Variants in CNBD1 observed in about 807,000 individuals in gnomAD.
The protein encoded by CNBD1 is cyclic nucleotide binding domain containing 1, also known as cyclic nucleotide-binding domain-containing protein 1.
CNBD1 carries 71 observed loss-of-function variants against 54.4 expected under a neutral mutation model. The observed-to-expected ratio is 1.30, with a 90% CI of 1.08 to 1.59. The LOEUF (loss-of-function observed/expected upper bound fraction) is 1.59. CNBD1 is among the 40% of genes most tolerant of loss of function. The pLI is 0.00. For missense variants in CNBD1, 659 were observed against 518.0 expected, an observed-to-expected ratio of 1.27 and a Z score of -2.64; for synonymous variants, 182 against 170.7, an observed-to-expected ratio of 1.07 and a Z score of -0.51.
intron 4 of CNBD1, among the ~76,000 whole-genome samples, chr8:86,993,668 A>C (rs1185876820): frequency 6.6e-6 from 1 of 152,006 alleles, no homozygotes; most frequent in East Asian, 1.9e-4. Flanking sequence ...TCTGTATGGG[A>C]TCTTTATTTG....
intron 4 of CNBD1, among the ~76,000 whole-genome samples, chr8:87,146,870 C>T (rs1254298537): frequency 1.3e-5 from 2 of 151,996 alleles, no homozygotes; most frequent in Admixed American, 1.3e-4. Context: ...ATTTTTTAAC[C>T]AAGGTATGTG....
At chr8:87,110,388 AC>A (rs1200010874) in intron 4 of CNBD1, among the ~76,000 whole-genome samples, 1 of 152,002 alleles carries the variant, frequency 6.6e-6, no homozygotes, top group Non-Finnish European at 1.5e-5. Flanking sequence ...CTTGCTCTGG[AC>A]CCCACCCAAA....
intron 4 of CNBD1, among the ~76,000 whole-genome samples, chr8:87,201,728 A>G (rs781299503): frequency 8.5e-5 from 13 of 152,204 alleles, no homozygotes; most frequent in Non-Finnish European, 1.5e-5. Flanking sequence ...AAATGAAAAG[A>G]TATGTTCAGA....
At chr8:87,369,860 T>A (rs1052771288) in intron 10 of CNBD1, among the ~76,000 whole-genome samples, 2 of 151,898 alleles carry the variant, frequency 1.3e-5, no homozygotes, top group African/African-American at 2.4e-5. Flanking sequence ...ATATCTCCTA[T>A]ATGCTATCCC....
chr8:87,299,185 T>C (rs899683704), intron 8 of CNBD1, among the ~76,000 whole-genome samples: 1 of 152,186 alleles, frequency 6.6e-6, no homozygotes, highest in African/African-American at 2.4e-5. Flanking sequence ...TATTCATTTG[T>C]AAACTCAAGC....
At chr8:86,869,849 T>C (rs1586099990) in intron 1 of CNBD1, among the ~76,000 whole-genome samples, 1 of 152,298 alleles carries the variant, frequency 6.6e-6, no homozygotes, top group Admixed American at 6.5e-5. Flanking sequence ...AAAATTCTTA[T>C]TTTAAAAAAT....
chr8:87,385,039 C>T (rs962248413), downstream of CNBD1, among the ~76,000 whole-genome samples: 3 of 152,080 alleles, frequency 2.0e-5, no homozygotes, highest in Non-Finnish European at 4.4e-5. Context: ...TTCAAATAAT[C>T]ACTTGGGTTC....
chr8:87,130,660 C>T (rs980738059), intron 4 of CNBD1, among the ~76,000 whole-genome samples: 2 of 151,714 alleles, frequency 1.3e-5, no homozygotes, highest in African/African-American at 4.8e-5. Context: ...CACCTGTTTC[C>T]CAGCTACTCG....
At chr8:86,971,033 T>G (rs1808208522) in intron 4 of CNBD1, among the ~76,000 whole-genome samples, 1 of 152,220 alleles carries the variant, frequency 6.6e-6, no homozygotes, top group Non-Finnish European at 1.5e-5. Context: ...CAATTATAAT[T>G]ATTAATTTGT....
intron 9 of CNBD1, among the ~76,000 whole-genome samples, chr8:87,352,082 C>T (rs1810309417): frequency 6.6e-6 from 1 of 152,140 alleles, no homozygotes; most frequent in Non-Finnish European, 1.5e-5. Context: ...CCAGGTACTA[C>T]TACAAACATA....
chr8:87,103,575 T>A (rs570130185), intron 4 of CNBD1, among the ~76,000 whole-genome samples: 1 of 152,284 alleles, frequency 6.6e-6, no homozygotes, highest in Admixed American at 6.5e-5. Context: ...CTTCTTCACA[T>A]GGCAGCAGCA....
chr8:86,922,671 TATG>T (rs1809293611), intron 3 of CNBD1, among the ~76,000 whole-genome samples: 1 of 152,116 alleles, frequency 6.6e-6, no homozygotes, highest in Non-Finnish European at 1.5e-5. Context: ...AAAATCCACT[TATG>T]ATGATAACTG....
chr8:87,148,972 A>G (rs771137084), intron 4 of CNBD1, among the ~76,000 whole-genome samples: 1 of 152,164 alleles, frequency 6.6e-6, no homozygotes, highest in Non-Finnish European at 1.5e-5. Flanking sequence ...CTGCAAAAGG[A>G]ATGAGGTCCC....
intron 4 of CNBD1, among the ~76,000 whole-genome samples, chr8:87,111,550 A>G (rs1255431713): frequency 6.6e-6 from 1 of 152,148 alleles, no homozygotes; most frequent in Non-Finnish European, 1.5e-5. Flanking sequence ...TTATTCCTCA[A>G]ATAGATCTGA....
intron 4 of CNBD1, among the ~76,000 whole-genome samples, chr8:87,114,732 G>C (rs763193609): frequency 3.3e-5 from 5 of 152,168 alleles, no homozygotes; most frequent in Non-Finnish European, 5.9e-5. Flanking sequence ...CGTGTCTGCT[G>C]TTCTTGGGTT....
intron 2 of CNBD1, among the ~76,000 whole-genome samples, chr8:87,417,557 G>A (rs751172912): frequency 9.9e-5 from 15 of 152,024 alleles, no homozygotes; most frequent in Middle Eastern, 3.4e-3. Flanking sequence ...TACCTCTCAC[G>A]TCTCTTTGCT....
intron 4 of CNBD1, among the ~76,000 whole-genome samples, chr8:87,114,296 G>T (rs561459520): frequency 6.6e-6 from 1 of 152,236 alleles, no homozygotes; most frequent in South Asian, 2.1e-4. Flanking sequence ...TACAATGATT[G>T]CTTCTTGACT....
At chr8:87,115,861 C>T (rs954852207) in intron 4 of CNBD1, among the ~76,000 whole-genome samples, 1 of 152,138 alleles carries the variant, frequency 6.6e-6, no homozygotes, top group Non-Finnish European at 1.5e-5. Flanking sequence ...TTTGATTAAT[C>T]GATCCGTTTA....
At chr8:87,387,903 G>C (rs572350201) in intron 2 of CNBD1, among the ~76,000 whole-genome samples, 2 of 152,016 alleles carry the variant, frequency 1.3e-5, no homozygotes, top group Non-Finnish European at 2.9e-5. Context: ...ATAACAAACT[G>C]TCTCTCAGAC....
Sources: allele counts gnomAD v4.1 joint callset (sites outside exome capture counted in the v4.1 genomes callset), GRCh38; gene constraint gnomAD v4.1.1; transcripts MANE v1.5; gene names NCBI Gene and HGNC (gene_info 2026-07-23, HGNC 2026-07-21).